Variants in BBX observed in about 807,000 individuals in gnomAD.
BBX encodes BBX high mobility group box domain containing, also known as HMG box transcription factor BBX.
BBX carries 30 observed loss-of-function variants against 100.2 expected under a neutral mutation model. The observed-to-expected ratio is 0.30, with a 90% CI of 0.22 to 0.41. BBX has a LOEUF of 0.41. Ranked by LOEUF, BBX falls within the 10% of genes least tolerant of loss-of-function variation. BBX has a pLI of 1.00. For synonymous variants in BBX, 376 were observed against 388.1 expected (o/e 0.97, Z 0.37); for missense variants, 1,023 against 1,129.8 (o/e 0.91, Z 1.35).
In BBX at chr3:107,594,825, G is replaced by T. The variant is rs901868022; in HGVS notation, c.-83-51011G>T. Among the ~76,000 whole-genome samples, 3 of 152,150 alleles carry T rather than the reference G, an allele frequency of 2.0e-5. No homozygotes were observed. In the South Asian group the frequency reaches 6.2e-4, roughly 31 times the overall value. On this transcript the variant is annotated intron_variant, in intron 2 of 17. Transcript: ENST00000325805. Reference sequence around the variant, plus strand: ...AAAAAAAATTTGATAAACTCAAGTTGATAACTGGCATGTGCTAAGGATACT... The same window carrying T: ...AAAAAAAATTTGATAAACTCAAGTTTATAACTGGCATGTGCTAAGGATACT...
intron 2 of BBX, among the ~76,000 whole-genome samples, chr3:107,531,926 G>A (rs1178184888): frequency 6.6e-6 from 1 of 152,104 alleles, no homozygotes; most frequent in Non-Finnish European, 1.5e-5. Flanking sequence ...CTTCCGTCAA[G>A]ACACATGTGT....
chr3:107,692,492 G>A (rs1351751152), intron 3 of BBX, among the ~76,000 whole-genome samples: 1 of 152,062 alleles, frequency 6.6e-6, no homozygotes, highest in African/African-American at 2.4e-5. Flanking sequence ...ATGGTTTTCA[G>A]TTTCATCCAT....
intron 3 of BBX, among the ~76,000 whole-genome samples, chr3:107,701,170 T>C: frequency 6.6e-6 from 1 of 152,176 alleles, no homozygotes; most frequent in Non-Finnish European, 1.5e-5. Flanking sequence ...GTGGTTTTGA[T>C]TTGCATTTCT....
intron 4 of BBX, among the ~76,000 whole-genome samples, chr3:107,714,417 C>A (rs1030110565): frequency 1.3e-5 from 2 of 152,038 alleles, no homozygotes; most frequent in African/African-American, 4.8e-5. Context: ...TATGGTTTTT[C>A]CCCCTCCCAA....
At chr3:107,697,156 G>T (rs1276877360) in intron 3 of BBX, among the ~76,000 whole-genome samples, 2 of 151,692 alleles carry the variant, frequency 1.3e-5, no homozygotes, top group Non-Finnish European at 2.9e-5. Flanking sequence ...TCCTCCCGTA[G>T]CTCGGAGTAA....
At chr3:107,689,902 A>G (rs903862485) in intron 3 of BBX, among the ~76,000 whole-genome samples, 1 of 152,230 alleles carries the variant, frequency 6.6e-6, no homozygotes, top group Non-Finnish European at 1.5e-5. Context: ...TAATGACATT[A>G]TAAAGATTAT....
intron 3 of BBX, among the ~76,000 whole-genome samples, chr3:107,652,903 C>T (rs1461039180): frequency 6.6e-6 from 1 of 152,088 alleles, no homozygotes; most frequent in Non-Finnish European, 1.5e-5. Context: ...CAAGATGCTA[C>T]AGGACTTGTT....
At chr3:107,720,547 T>A (rs1017333061) in intron 5 of BBX, among the ~76,000 whole-genome samples, 8 of 151,604 alleles carry the variant, frequency 5.3e-5, no homozygotes, top group African/African-American at 1.9e-4. Flanking sequence ...CATAGAAGAG[T>A]AACAGAAAAT....
chr3:107,707,195 A>G (rs1034582113), intron 3 of BBX, among the ~76,000 whole-genome samples: 11 of 152,096 alleles, frequency 7.2e-5, no homozygotes, highest in Admixed American at 2.0e-4. Context: ...CAGGCCCTGT[A>G]CTAGGGGTTG....
At chr3:107,543,598 TC>T (rs1435239885) in intron 2 of BBX, among the ~76,000 whole-genome samples, 4 of 152,228 alleles carry the variant, frequency 2.6e-5, no homozygotes, top group Non-Finnish European at 5.9e-5. Context: ...TCAGTTTAGT[TC>T]CCTGTGTCCT....
chr3:107,576,366 A>G (rs1449595751), intron 2 of BBX, among the ~76,000 whole-genome samples: 1 of 152,196 alleles, frequency 6.6e-6, no homozygotes, highest in Admixed American at 6.5e-5. Context: ...TTTTCAAAAC[A>G]CTACTTATAT....
intron 15 of BBX, among the ~76,000 whole-genome samples, chr3:107,795,668 C>T (rs2069569927): frequency 9.4e-6 from 1 of 106,066 alleles, no homozygotes. Flanking sequence ...CAGTCTGATT[C>T]ACTCCTTTAC....
chr3:107,586,651 G>C (rs2052861629), intron 2 of BBX, among the ~76,000 whole-genome samples: 1 of 152,108 alleles, frequency 6.6e-6, no homozygotes, highest in South Asian at 2.1e-4. Flanking sequence ...TCACAGAGTT[G>C]TCTGTGGATT....
chr3:107,737,886 T>TTG (rs2063750153), intron 7 of BBX, among the ~76,000 whole-genome samples: 1 of 94,486 alleles, frequency 1.1e-5, no homozygotes. Flanking sequence ...GAGTTCCAGT[T>TTG]TTTTTTTTTT....
chr3:107,605,711 A>G (rs2054383981), intron 2 of BBX, among the ~76,000 whole-genome samples: 1 of 152,188 alleles, frequency 6.6e-6, no homozygotes, highest in East Asian at 1.9e-4. Context: ...ACAGGCATGT[A>G]TGTCCCATCT....
chr3:107,638,967 C>T (rs192702348), intron 2 of BBX, among the ~76,000 whole-genome samples: 300 of 151,962 alleles, frequency 2.0e-3, no homozygotes, highest in Admixed American at 4.3e-3. Context: ...CCAGCCTGGG[C>T]AACAGAGTGA....
At chr3:107,671,715 G>A (rs1288452046) in intron 3 of BBX, among the ~76,000 whole-genome samples, 4 of 152,072 alleles carry the variant, frequency 2.6e-5, no homozygotes, top group East Asian at 1.9e-4. Context: ...TATTAGATCC[G>A]TATAGCACTG....
chr3:107,669,647 CTT>C (rs2058926466), intron 3 of BBX, among the ~76,000 whole-genome samples: 2 of 152,040 alleles, frequency 1.3e-5, no homozygotes, highest in Non-Finnish European at 2.9e-5. Context: ...ATAGTTATCT[CTT>C]GGGTTGAAGT....
intron 2 of BBX, chr3:107,526,618 C>G (rs1209502801): frequency 2.8e-6 from 1 of 354,146 alleles, no homozygotes; most frequent in Non-Finnish European, 5.0e-6. Flanking sequence ...TTGTGTTTAT[C>G]TACAAGTAAT....
Sources: gnomAD v4.1 joint callset for allele counts (sites outside exome capture counted in the v4.1 genomes callset) on GRCh38, gnomAD v4.1.1 for gene constraint, MANE v1.5 for transcripts, NCBI Gene and HGNC (gene_info 2026-07-23, HGNC 2026-07-21) for gene names.